The following MECOM variants were observed in gnomAD, a reference collection of about 807,000 sequenced individuals.
MECOM encodes histone-lysine N-methyltransferase MECOM.
A neutral mutation model predicts 116.3 loss-of-function variants in MECOM; 13 were observed. That is an observed-to-expected ratio of 0.11 (90% CI 0.07 to 0.18). MECOM has a LOEUF of 0.18. Among genes scored for constraint, MECOM ranks in the 10% least tolerant of loss-of-function variants. The pLI, the probability that MECOM is intolerant of heterozygous loss-of-function variation, is 1.00. For missense variants in MECOM, 1,299 were observed against 1,509.0 expected (o/e 0.86, Z 2.31); for synonymous variants, 528 against 535.2 (o/e 0.99, Z 0.19).
At chr3:169,109,018 T>TA (rs2149014157) in intron 9 of MECOM, among the ~76,000 whole-genome samples, 1 of 152,266 alleles carries the variant, frequency 6.6e-6, no homozygotes, top group South Asian at 2.1e-4. Context: ...CAAGGAATAA[T>TA]AGCCACTTTT....
At chr3:169,600,942 T>C (rs1256399590) in intron 1 of MECOM, among the ~76,000 whole-genome samples, 1 of 152,224 alleles carries the variant, frequency 6.6e-6, no homozygotes, top group Non-Finnish European at 1.5e-5. Flanking sequence ...TTTGCAATAT[T>C]TTCATTCAGT....
intron 4 of MECOM, among the ~76,000 whole-genome samples, chr3:169,129,934 A>G (rs1026587177): frequency 1.5e-4 from 23 of 152,226 alleles, no homozygotes; most frequent in African/African-American, 5.5e-4. Flanking sequence ...TATAATATCT[A>G]TCATATAGTA....
intron 2 of MECOM, among the ~76,000 whole-genome samples, chr3:169,176,710 T>G (rs1294772590): frequency 6.6e-6 from 1 of 152,026 alleles, no homozygotes; most frequent in Non-Finnish European, 1.5e-5. Flanking sequence ...ATTTTTGCAA[T>G]CCACCCATCT....
rs148539966 is a variant in MECOM, at chr3:169,084,993, T to G, written c.3636A>C (p.Thr1212=). 2.5e-4 allele frequency: 403 copies of G among 1,614,138 alleles called. 1 individual carries two copies. The African/African-American group carries it at 5.0e-3, about 20-fold the overall frequency. Residue 1212 remains threonine, a synonymous_variant, in exon 17 of 17, where the codon ACA becomes ACC. Transcript: ENST00000651503. ...SLSDKESLHS[T]SHSSSNVWHS... ...GCCACACGTTGGAAGAACTGTGGGATGTAGAATGGAGGGACTCCTTGTCAG... is the reference window on the plus strand; with the variant it reads ...GCCACACGTTGGAAGAACTGTGGGAGGTAGAATGGAGGGACTCCTTGTCAG...
At chr3:169,534,704 C>T (rs1182398635) in intron 1 of MECOM, among the ~76,000 whole-genome samples, 2 of 152,192 alleles carry the variant, frequency 1.3e-5, no homozygotes, top group Non-Finnish European at 2.9e-5. Context: ...CTTAGGTCCT[C>T]TACCAACTAA....
At chr3:169,346,462 G>A (rs1725368365) in intron 2 of MECOM, among the ~76,000 whole-genome samples, 1 of 151,926 alleles carries the variant, frequency 6.6e-6, no homozygotes, top group Admixed American at 6.6e-5. Context: ...GGATTCAAAT[G>A]ATAACGTATT....
At chr3:169,289,551 G>A (rs1191037792) in intron 2 of MECOM, among the ~76,000 whole-genome samples, 1 of 152,114 alleles carries the variant, frequency 6.6e-6, no homozygotes, top group African/African-American at 2.4e-5. Flanking sequence ...AAACAAAAAG[G>A]GTTGTTTCTG....
chr3:169,306,534 T>C (rs1717729200), intron 2 of MECOM, among the ~76,000 whole-genome samples: 1 of 152,020 alleles, frequency 6.6e-6, no homozygotes, highest in Non-Finnish European at 1.5e-5. Context: ...ATACAAAAAT[T>C]AGCTGGACGT....
intron 1 of MECOM, among the ~76,000 whole-genome samples, chr3:169,438,457 G>C (rs1306636483): frequency 6.6e-6 from 1 of 152,126 alleles, no homozygotes; most frequent in Non-Finnish European, 1.5e-5. Flanking sequence ...GTCAACAAAG[G>C]GTGTGCTATC....
At chr3:169,322,579 T>A (rs1251567701) in intron 2 of MECOM, among the ~76,000 whole-genome samples, 1 of 151,542 alleles carries the variant, frequency 6.6e-6, no homozygotes, top group Non-Finnish European at 1.5e-5. Flanking sequence ...CTTTGAGGAG[T>A]GAAGGACTAT....
intron 1 of MECOM, among the ~76,000 whole-genome samples, chr3:169,571,321 A>G (rs1008925594): frequency 1.2e-4 from 18 of 146,740 alleles, no homozygotes; most frequent in Non-Finnish European, 2.4e-4. Context: ...ACTAAAAACC[A>G]TTGCTCAAGG....
chr3:169,166,899 G>A (rs766412082), intron 2 of MECOM, among the ~76,000 whole-genome samples: 2 of 151,992 alleles, frequency 1.3e-5, no homozygotes, highest in Non-Finnish European at 2.9e-5. Context: ...TTTTTATTAC[G>A]TTTCTTCAAA....
intron 2 of MECOM, among the ~76,000 whole-genome samples, chr3:169,158,460 G>C (rs934730309): frequency 6.6e-6 from 1 of 152,170 alleles, no homozygotes; most frequent in African/African-American, 2.4e-5. Flanking sequence ...ACCCAGGAAA[G>C]AGCATGAGAC....
At chr3:169,615,990 G>A in intron 1 of MECOM, among the ~76,000 whole-genome samples, 1 of 152,194 alleles carries the variant, frequency 6.6e-6, no homozygotes, top group East Asian at 1.9e-4. Context: ...TCCTGTTGGT[G>A]GCTCCTTTCC....
intron 1 of MECOM, among the ~76,000 whole-genome samples, chr3:169,652,809 A>T (rs1775080124): frequency 6.6e-6 from 1 of 152,250 alleles, no homozygotes; most frequent in Admixed American, 6.5e-5. Flanking sequence ...CTATATTAAT[A>T]GAGCATAAAT....
In MECOM at chr3:169,650,876, A is replaced by G. The variant is rs536126015; in HGVS notation, c.37+12460T>C. 8.5e-5 allele frequency among the ~76,000 whole-genome samples: 13 copies of G among 152,310 alleles called. No homozygotes were observed. The South Asian group carries it at 2.7e-3, about 32-fold the overall frequency. ...AATGTCATCCACAGGGAATTGGTTC[A>G]ATGAAATGTGTTAGATCTAAACAAT... On this transcript the variant is annotated intron_variant, in intron 1 of 16. Coordinates refer to ENST00000651503, the MANE Select transcript of MECOM (RefSeq NM_004991.4).
At chr3:169,428,343 C>T (rs1741061641) in intron 1 of MECOM, among the ~76,000 whole-genome samples, 1 of 152,154 alleles carries the variant, frequency 6.6e-6, no homozygotes, top group Non-Finnish European at 1.5e-5. Context: ...CACCTCAGAT[C>T]ATCAGGCATT....
chr3:169,088,832 G>C, intron 16 of MECOM, among the ~76,000 whole-genome samples, 168 bp downstream of exon 16: 1 of 152,076 alleles, frequency 6.6e-6, no homozygotes, highest in East Asian at 1.9e-4. Context: ...AACTATTTTG[G>C]ATTTGGTCAT....
chr3:169,374,313 G>A (rs188305064), intron 2 of MECOM, among the ~76,000 whole-genome samples: 4 of 151,982 alleles, frequency 2.6e-5, no homozygotes, highest in Admixed American at 2.0e-4. Flanking sequence ...CCAGAATTGT[G>A]TGAATATAAA....
Sources: allele counts gnomAD v4.1 joint callset (sites outside exome capture counted in the v4.1 genomes callset), GRCh38; gene constraint gnomAD v4.1.1; transcripts MANE v1.5; gene names NCBI Gene and HGNC (gene_info 2026-07-23, HGNC 2026-07-21).